EFL1: variants seen among roughly 807,000 people sequenced by gnomAD.
The protein encoded by EFL1 is elongation factor like GTPase 1.
Under a neutral mutation model 126.7 loss-of-function variants are expected in EFL1, and 76 were observed. The ratio of observed to expected loss-of-function variants is 0.60; its 90% CI spans 0.50 to 0.73. EFL1 has a LOEUF of 0.73. Ranked by LOEUF, EFL1 falls within the 30% of genes least tolerant of loss-of-function variation. The probability of loss-of-function intolerance (pLI) is 0.00; values close to 1 mark genes in which losing one functional copy is unlikely to be tolerated. For missense variants in EFL1, 1,128 were observed against 1,343.2 expected, an observed-to-expected ratio of 0.84 and a Z score of 2.50; for synonymous variants, 410 against 448.4, an observed-to-expected ratio of 0.91 and a Z score of 1.08.
chr15:82,248,470 C>T (rs1286886032), intron 4 of EFL1, among the ~76,000 whole-genome samples: 7 of 152,124 alleles, frequency 4.6e-5, no homozygotes, highest in African/African-American at 1.7e-4. Context: ...GCCTAGTCTT[C>T]GGAGTATAAA....
chr15:82,137,863 C>T (rs575493579), intron 19 of EFL1, among the ~76,000 whole-genome samples: 1 of 152,306 alleles, frequency 6.6e-6, no homozygotes, highest in East Asian at 1.9e-4. Context: ...GCGGCACCTT[C>T]TGATTGAGTG....
At position 82,130,527 on chromosome 15, in the gene EFL1, G is replaced by C. The variant is rs1437571732; in HGVS notation, c.3209C>G (p.Thr1070Ser). ...IPSDPFWVPT[T>S]EEEYLHFGEK... ...CCCAAAGTGCAAGTATTCCTCCTCA[G>C]TAGTTGGCACCCAGAAGGGGTCACT... is the stretch of plus-strand genomic sequence containing the variant. Residue 1070 changes from threonine to serine, a missense_variant, in exon 20 of 20, where the codon ACT becomes AGT. Around this residue, in one of 6 missense-constraint regions of EFL1, gnomAD observed 561 missense variants for 641.7 expected, o/e 0.87. Transcript: ENST00000268206. The C allele has an allele frequency of 5.6e-6, 9 of 1,614,134 alleles. No homozygotes were observed. Among genetic ancestry groups the C allele is most frequent in the Non-Finnish European group, 7.6e-6 (9 of 1,180,028 alleles).
intron 15 of EFL1, among the ~76,000 whole-genome samples, chr15:82,170,944 G>T (rs1459874125): frequency 6.6e-6 from 1 of 152,172 alleles, no homozygotes; most frequent in Non-Finnish European, 1.5e-5. Flanking sequence ...CAGTAAGTCA[G>T]AAGCACAAAA....
At chr15:82,204,609 T>A (rs2074505141) in intron 15 of EFL1, among the ~76,000 whole-genome samples, 1 of 152,226 alleles carries the variant, frequency 6.6e-6, no homozygotes, top group African/African-American at 2.4e-5. Context: ...TGAAACCATA[T>A]AAATGTCAAA....
intron 3 of EFL1, among the ~76,000 whole-genome samples, chr15:82,258,826 G>A (rs116962936): frequency 0.016 from 2,427 of 152,246 alleles, 24 homozygotes; most frequent in East Asian, 0.024. Context: ...AATCTCTTGC[G>A]CTGTGAAATC....
intron 19 of EFL1, 37 bp from the exon 20 acceptor site, chr15:82,130,598 C>A: frequency 6.2e-7 from 1 of 1,601,932 alleles, no homozygotes; most frequent in Non-Finnish European, 8.5e-7. Context: ...CAAGGTTAGG[C>A]ATTTTTAATT....
chr15:82,204,782 C>T (rs1469276521), intron 15 of EFL1, among the ~76,000 whole-genome samples: 2 of 152,336 alleles, frequency 1.3e-5, no homozygotes, highest in African/African-American at 4.8e-5. Flanking sequence ...ATTAGTTTAG[C>T]TAAATTCCAG....
At chr15:82,252,847 G>T (rs188362092) in intron 3 of EFL1, 72 bp from the exon 4 acceptor site, 20,991 of 975,338 alleles carry the variant, frequency 0.022, 275 homozygotes, top group Non-Finnish European at 0.026. Context: ...TGCTAATTTA[G>T]ATTTTTGTTT....
chr15:82,185,300 T>C (rs1287936660), intron 15 of EFL1, among the ~76,000 whole-genome samples: 1 of 151,288 alleles, frequency 6.6e-6, no homozygotes, highest in African/African-American at 2.4e-5. Context: ...CTCTACTCCA[T>C]ACCATAAACC....
intron 7 of EFL1, among the ~76,000 whole-genome samples, chr15:82,234,124 C>T (rs572921235): frequency 6.6e-6 from 1 of 152,310 alleles, no homozygotes; most frequent in Non-Finnish European, 1.5e-5. Flanking sequence ...TGTCCTTCCA[C>T]AATAAACTTC....
chr15:82,174,762 C>T (rs1477695608), intron 15 of EFL1, among the ~76,000 whole-genome samples: 3 of 152,220 alleles, frequency 2.0e-5, no homozygotes, highest in African/African-American at 7.2e-5. Flanking sequence ...TCCAGATCTA[C>T]TCACAGGCCA....
Position 82,262,644 on chromosome 15 carries a change from T to G in EFL1, c.-50A>C, listed in dbSNP as rs1243995567. Reference sequence around the variant, plus strand: ...GCAGCAGCCCCACCAGCCCCGCTCCTTCTCTCGGGTCGCACCCACACCGAG... The same window carrying G: ...GCAGCAGCCCCACCAGCCCCGCTCCGTCTCTCGGGTCGCACCCACACCGAG... On this transcript the variant is annotated 5_prime_UTR_variant, in exon 1 of 20. Transcript: ENST00000268206. 13 of 478,388 alleles carry G rather than the reference T, an allele frequency of 2.7e-5. No individual in the cohort carries two copies. Among genetic ancestry groups the G allele is most frequent in the Non-Finnish European group, 4.8e-5 (13 of 270,846 alleles). The allele number at this position is 478,388 out of a possible 1,614,324, so 29.6% of individuals were successfully genotyped here. A position where few individuals can be genotyped will look rare whatever the true frequency, so the allele number is the denominator to read the frequency against.
At chr15:82,166,681 C>T (rs770597313) in intron 15 of EFL1, among the ~76,000 whole-genome samples, 13 of 152,138 alleles carry the variant, frequency 8.5e-5, no homozygotes, top group Admixed American at 5.2e-4. Flanking sequence ...CAGCAAGTAC[C>T]ATCTTGAAAA....
chr15:82,200,241 A>T (rs755038412), intron 15 of EFL1, among the ~76,000 whole-genome samples: 1 of 152,250 alleles, frequency 6.6e-6, no homozygotes. Context: ...AAAGAAAAAC[A>T]CAAGGAAGAG....
intron 15 of EFL1, among the ~76,000 whole-genome samples, chr15:82,214,282 A>G (rs1421478362): frequency 6.6e-6 from 1 of 152,252 alleles, no homozygotes; most frequent in Non-Finnish European, 1.5e-5. Flanking sequence ...ACGATCAACT[A>G]ATCTTAGCAA....
intron 15 of EFL1, among the ~76,000 whole-genome samples, chr15:82,179,597 C>T (rs1031387429): frequency 2.0e-5 from 3 of 152,010 alleles, no homozygotes; most frequent in Non-Finnish European, 4.4e-5. Flanking sequence ...TCAGTATCTC[C>T]CAGATAAGAA....
chr15:82,218,733 G>T (rs1333324800), intron 14 of EFL1, among the ~76,000 whole-genome samples: 2 of 152,176 alleles, frequency 1.3e-5, no homozygotes, highest in Non-Finnish European at 2.9e-5. Flanking sequence ...TGCTAAATTA[G>T]AACATGCCAT....
chr15:82,220,352 G>C, intron 12 of EFL1, 123 bp from the exon 13 acceptor site: 2 of 1,199,308 alleles, frequency 1.7e-6, no homozygotes, highest in African/African-American at 1.6e-5. Flanking sequence ...TTTTGTCCAA[G>C]TCCTCTCCCT....
chr15:82,151,706 C>T lies in EFL1; in HGVS notation c.2748G>A (p.Glu916=). 6.2e-7 allele frequency: 1 copy of T among 1,614,164 alleles called. No individual in the cohort carries two copies. The highest frequency in any genetic ancestry group is 8.5e-7 in the Non-Finnish European group (1 of 1,180,036). The change falls in exon 18 of 20, where the codon GAG becomes GAA. Residue 916 remains glutamate, a synonymous_variant. Transcript: ENST00000268206. The part of the protein sequence containing the change: ...GASDLAKEGQ[E]ENETCSGGNE... The stretch of plus-strand genomic sequence containing the variant: ...TTCCACCAGAACAGGTTTCATTTTC[C>T]TCCTGTCCCTCTTTTGCCAGATCAC...
Sources: allele counts gnomAD v4.1 joint callset (sites outside exome capture counted in the v4.1 genomes callset), GRCh38; gene constraint gnomAD v4.1.1; regional missense constraint gnomAD v4.1.1; transcripts MANE v1.5; gene names NCBI Gene and HGNC (gene_info 2026-07-23, HGNC 2026-07-21).